The following CSMD1 variants were observed in gnomAD, a reference collection of about 807,000 sequenced individuals.
CSMD1 encodes the protein CUB and Sushi multiple domains 1, also known as CUB and sushi domain-containing protein 1.
Under a neutral mutation model 417.5 loss-of-function variants are expected in CSMD1, and 213 were observed. The ratio of observed to expected loss-of-function variants is 0.51; its 90% CI spans 0.46 to 0.57. CSMD1 has a LOEUF of 0.57. Ranked by LOEUF, CSMD1 falls within the 20% of genes least tolerant of loss-of-function variation. The probability of loss-of-function intolerance (pLI) is 0.00; values close to 1 mark genes in which losing one functional copy is unlikely to be tolerated. For missense variants in CSMD1, 6,923 were observed against 4,529.7 expected, an observed-to-expected ratio of 1.53 and a Z score of -15.17; for synonymous variants, 2,862 against 1,736.8, an observed-to-expected ratio of 1.65 and a Z score of -16.11.
At chr8:4,040,904 A>G (rs1014001986) in intron 3 of CSMD1, among the ~76,000 whole-genome samples, 5 of 152,152 alleles carry the variant, frequency 3.3e-5, no homozygotes, top group Non-Finnish European at 5.9e-5. Context: ...CTTGAGAAGC[A>G]TCATGAATAT....
At chr8:3,191,882 T>G (rs1796445931) in intron 33 of CSMD1, among the ~76,000 whole-genome samples, 1 of 152,232 alleles carries the variant, frequency 6.6e-6, no homozygotes, top group Non-Finnish European at 1.5e-5. Context: ...TCCTCAGTCC[T>G]TGTGTTTCTT....
intron 3 of CSMD1, among the ~76,000 whole-genome samples, chr8:4,150,703 G>A (rs771831412): frequency 1.1e-4 from 17 of 152,108 alleles, no homozygotes; most frequent in Admixed American, 2.0e-4. Context: ...AGAACCTTAG[G>A]GTGTGGAAAG....
intron 46 of CSMD1, among the ~76,000 whole-genome samples, chr8:3,102,967 G>C (rs762401438): frequency 6.6e-6 from 1 of 152,066 alleles, no homozygotes; most frequent in Non-Finnish European, 1.5e-5. Flanking sequence ...AAGTTTATTG[G>C]GGTCTAAAGG....
intron 1 of CSMD1, among the ~76,000 whole-genome samples, chr8:4,701,804 C>G (rs955592108): frequency 2.0e-5 from 3 of 152,000 alleles, no homozygotes; most frequent in African/African-American, 7.3e-5. Context: ...AATGAAGATG[C>G]ATAATCTCAT....
chr8:3,176,397 CAGAT>C lies in CSMD1; in HGVS notation c.5725+4709_5725+4712del, dbSNP rs1185501380. Among the ~76,000 whole-genome samples the C allele has an allele frequency of 1.2e-4, 19 of 152,024 alleles. 1 individual carries two copies. Among genetic ancestry groups the C allele is most frequent in the South Asian group, 4.2e-4 (2 of 4,808 alleles). ...CACTATATTAAAGTTATGTGGGGGACAGATAGATAGATCTCATTAAAAAGTGTGC... is the reference window on the plus strand; with the variant it reads ...CACTATATTAAAGTTATGTGGGGGACAGATAGATCTCATTAAAAAGTGTGC... On this transcript the variant is annotated intron_variant, in intron 37 of 69. Coordinates refer to ENST00000635120, the MANE Select transcript of CSMD1 (RefSeq NM_033225.6).
At chr8:3,359,891 A>C (rs1240271130) in intron 20 of CSMD1, among the ~76,000 whole-genome samples, 1 of 152,204 alleles carries the variant, frequency 6.6e-6, no homozygotes, top group Non-Finnish European at 1.5e-5. Context: ...TGTAACTAGA[A>C]GACAAGCAGA....
At position 3,788,925 on chromosome 8, in the gene CSMD1, G is replaced by C. The variant is rs545179948; in HGVS notation, c.819-34883C>G. Among the ~76,000 whole-genome samples the C allele has an allele frequency of 9.1e-4, 138 of 152,234 alleles. 2 individuals carry two copies. In the South Asian group the frequency reaches 0.028, roughly 30 times the overall value. ...AGGAGGAAAGGGACTTAGGCTATGG[G>C]TACGTATTTCCTAGACAGTATTGTA... On this transcript the variant is annotated intron_variant, in intron 5 of 69. Transcript: ENST00000635120.
intron 2 of CSMD1, among the ~76,000 whole-genome samples, chr8:4,619,868 T>C (rs949988202): frequency 2.0e-5 from 3 of 152,036 alleles, no homozygotes; most frequent in Admixed American, 1.3e-4. Context: ...ATGAAGTCAT[T>C]TTAGGACAAT....
chr8:4,329,072 A>G (rs1269501044), intron 3 of CSMD1, among the ~76,000 whole-genome samples: 3 of 152,234 alleles, frequency 2.0e-5, no homozygotes, highest in Non-Finnish European at 4.4e-5. Context: ...ATAAATAAAA[A>G]TTGCACAACA....
chr8:3,367,621 G>A (rs1192230362), intron 19 of CSMD1, among the ~76,000 whole-genome samples: 1 of 152,072 alleles, frequency 6.6e-6, no homozygotes, highest in East Asian at 1.9e-4. Flanking sequence ...AAAGAGGACG[G>A]CTTTAGAAAT....
chr8:4,369,627 G>A (rs987724587), intron 3 of CSMD1, among the ~76,000 whole-genome samples: 10 of 152,166 alleles, frequency 6.6e-5, no homozygotes, highest in Middle Eastern at 3.2e-3. Context: ...GTGCTCCCAC[G>A]TTGAGTGACT....
intron 3 of CSMD1, among the ~76,000 whole-genome samples, chr8:4,372,579 G>A: frequency 6.6e-6 from 1 of 151,380 alleles, no homozygotes; most frequent in Middle Eastern, 3.4e-3. Flanking sequence ...CTAGGTTTGA[G>A]GTACACTTAA....
chr8:3,863,820 GA>G (rs547694503), intron 5 of CSMD1, among the ~76,000 whole-genome samples: 100 of 148,628 alleles, frequency 6.7e-4, no homozygotes, highest in Admixed American at 2.0e-3. Flanking sequence ...TATTCATGAC[GA>G]AAAAAAAAAT....
At chr8:3,769,672 A>C (rs1030644160) in intron 5 of CSMD1, among the ~76,000 whole-genome samples, 1 of 152,174 alleles carries the variant, frequency 6.6e-6, no homozygotes, top group Non-Finnish European at 1.5e-5. Flanking sequence ...TTGTATATCT[A>C]TATATATATG....
chr8:3,681,987 T>C (rs1585067945), intron 7 of CSMD1, among the ~76,000 whole-genome samples: 1 of 152,276 alleles, frequency 6.6e-6, no homozygotes, highest in East Asian at 1.9e-4. Context: ...TGGCTAGCCA[T>C]ATGTAGAAAG....
intron 2 of CSMD1, among the ~76,000 whole-genome samples, chr8:4,445,983 C>G (rs1340793690): frequency 2.0e-5 from 3 of 152,132 alleles, no homozygotes; most frequent in Admixed American, 6.5e-5. Context: ...GCAACAATGT[C>G]AGTGCCTCTT....
chr8:4,891,055 A>C lies in CSMD1; in HGVS notation c.85+103277T>G, dbSNP rs182032982. On this transcript the variant is annotated intron_variant, in intron 1 of 69. Transcript: ENST00000635120. The stretch of plus-strand genomic sequence containing the variant: ...AATGGTTCCATTCATTACATGCCCA[A>C]ATTAATAGTTAATAGAATAATGGGC... Among the ~76,000 whole-genome samples, 181 of 152,242 alleles carry C rather than the reference A, an allele frequency of 1.2e-3. 1 individual carries two copies. Among genetic ancestry groups the C allele is most frequent in the Admixed American group, 5.8e-3 (89 of 15,300 alleles).
At chr8:4,663,862 C>G (rs1209628512) in intron 1 of CSMD1, among the ~76,000 whole-genome samples, 2 of 152,140 alleles carry the variant, frequency 1.3e-5, no homozygotes, top group Non-Finnish European at 2.9e-5. Flanking sequence ...CTCACAAATA[C>G]CTGGGCTGGA....
chr8:3,787,129 T>C (rs2720875), intron 5 of CSMD1, among the ~76,000 whole-genome samples: 69,264 of 151,974 alleles, frequency 0.46, 16,624 homozygotes, highest in East Asian at 0.68. Context: ...AGAGGAAGGG[T>C]AGTCAAAACA....
Sources: gnomAD v4.1 joint callset for allele counts (sites outside exome capture counted in the v4.1 genomes callset) on GRCh38, gnomAD v4.1.1 for gene constraint, MANE v1.5 for transcripts, NCBI Gene and HGNC (gene_info 2026-07-23, HGNC 2026-07-21) for gene names.